EEF2K: variants seen among roughly 807,000 people sequenced by gnomAD.
EEF2K encodes alternative protein EEF2K.
A neutral mutation model predicts 93.8 loss-of-function variants in EEF2K; 70 were observed. That is an observed-to-expected ratio of 0.75 (90% CI 0.62 to 0.91). EEF2K has a LOEUF of 0.91. EEF2K is among the 40% of genes least tolerant of loss of function. The pLI, the probability that EEF2K is intolerant of heterozygous loss-of-function variation, is 0.00. For missense variants in EEF2K, 935 were observed against 972.9 expected (o/e 0.96, Z 0.52); for synonymous variants, 376 against 380.8 (o/e 0.99, Z 0.15).
chr16:22,265,216 G>A (rs2141679344), intron 13 of EEF2K: 1 of 219,076 alleles, frequency 4.6e-6, no homozygotes, highest in East Asian at 1.0e-4. Flanking sequence ...ACAGGCTAAT[G>A]TGACTCTCAT....
intron 12 of EEF2K, 39 bp from the exon 13 acceptor site, chr16:22,264,779 T>C (rs1445381478): frequency 6.2e-7 from 1 of 1,611,372 alleles, no homozygotes; most frequent in Non-Finnish European, 8.5e-7. Flanking sequence ...GGGAAGAAGC[T>C]TGTCGCTTTG....
chr16:22,259,626 A>T (rs974249183), intron 10 of EEF2K, among the ~76,000 whole-genome samples: 3 of 152,170 alleles, frequency 2.0e-5, no homozygotes, highest in African/African-American at 4.8e-5. Context: ...GTGAAATTTA[A>T]TTTTTGTCAT....
At chr16:22,257,005 C>G (rs914837065) in intron 7 of EEF2K, 108 bp downstream of exon 7, 2 of 1,518,986 alleles carry the variant, frequency 1.3e-6, no homozygotes, top group Non-Finnish European at 1.8e-6. Flanking sequence ...GGAGTCTCAC[C>G]CCCAGAGAAG....
intron 16 of EEF2K, among the ~76,000 whole-genome samples, chr16:22,278,714 A>G (rs1428435280): frequency 6.6e-6 from 1 of 152,052 alleles, no homozygotes; most frequent in East Asian, 1.9e-4. Context: ...TTCCTGATAT[A>G]CTATAAATAG....
intron 2 of EEF2K, among the ~76,000 whole-genome samples, chr16:22,235,361 T>TC (rs397780914): frequency 3.3e-5 from 5 of 152,014 alleles, no homozygotes; most frequent in Non-Finnish European, 2.9e-5. Context: ...CCAGTTTTTT[T>TC]CGGCAAGCAA....
Position 22,247,056 on chromosome 16 carries a change from A to G in EEF2K, c.348-1699A>G, listed in dbSNP as rs2047300513. 2.0e-5 allele frequency among the ~76,000 whole-genome samples: 3 copies of G among 148,422 alleles called. No individual in the cohort carries two copies. The South Asian group carries it at 6.4e-4, about 31-fold the overall frequency. On this transcript the variant is annotated intron_variant, in intron 3 of 17. Transcript: ENST00000263026. Reference sequence around the variant, plus strand: ...CCATCTCAAAAAAAAAAAAAAAAAAAAAAAAAAAAAAGAAACTAGAATTGC... The same window carrying G: ...CCATCTCAAAAAAAAAAAAAAAAAAGAAAAAAAAAAAGAAACTAGAATTGC...
intron 2 of EEF2K, among the ~76,000 whole-genome samples, chr16:22,229,293 T>C (rs1430237225): frequency 2.0e-5 from 3 of 152,224 alleles, no homozygotes; most frequent in Non-Finnish European, 4.4e-5. Context: ...TGATCCTTCA[T>C]GTTGGTTATC....
intron 1 of EEF2K, among the ~76,000 whole-genome samples, chr16:22,209,054 A>G (rs2046891113): frequency 6.6e-6 from 1 of 152,172 alleles, no homozygotes; most frequent in Admixed American, 6.5e-5. Flanking sequence ...TTTGAGATGG[A>G]GTCTTGCTCT....
intron 2 of EEF2K, among the ~76,000 whole-genome samples, chr16:22,234,658 TCAC>T (rs1313370784): frequency 2.0e-5 from 3 of 152,182 alleles, no homozygotes; most frequent in Non-Finnish European, 2.9e-5. Context: ...TATGCATCCA[TCAC>T]CACAACCACT....
chr16:22,237,211 C>T (rs907699281), intron 2 of EEF2K, among the ~76,000 whole-genome samples: 1 of 151,184 alleles, frequency 6.6e-6, no homozygotes, highest in African/African-American at 2.4e-5. Context: ...TCCCAAAGTG[C>T]TAGGATTACA....
In EEF2K at chr16:22,254,108, G is replaced by A. The variant is rs117753672; in HGVS notation, c.619-2640G>A. On this transcript the variant is annotated intron_variant, in intron 6 of 17. Transcript: ENST00000263026. ...AGCAAGACTCCATCCCCAAATAGTA[G>A]TAGTAGTAGTAGTAGTAACAATAAT... Among the ~76,000 whole-genome samples the A allele has an allele frequency of 8.7e-4, 130 of 149,990 alleles. 1 individual carries two copies. In the East Asian group the frequency reaches 0.012, roughly 14 times the overall value.
At chr16:22,260,372 G>A in intron 10 of EEF2K, 90 bp from the exon 11 acceptor site, 1 of 1,255,000 alleles carries the variant, frequency 8.0e-7, no homozygotes, top group Non-Finnish European at 1.1e-6. Context: ...AAGGCTTGGT[G>A]GCAGGTATGG....
chr16:22,211,127 G>C (rs1454491095), intron 1 of EEF2K, among the ~76,000 whole-genome samples: 1 of 152,224 alleles, frequency 6.6e-6, no homozygotes, highest in East Asian at 1.9e-4. Flanking sequence ...CCAGCTCTCT[G>C]TGCCACCTGT....
At chr16:22,263,041 T>A in intron 11 of EEF2K, 69 bp from the exon 12 acceptor site, 1 of 1,431,544 alleles carries the variant, frequency 7.0e-7, no homozygotes, top group Non-Finnish European at 9.7e-7. Context: ...GTTGGGGTGT[T>A]GAGATGTCAT....
chr16:22,224,788 A>G (rs1273492359), intron 1 of EEF2K, among the ~76,000 whole-genome samples: 1 of 152,174 alleles, frequency 6.6e-6, no homozygotes, highest in African/African-American at 2.4e-5. Flanking sequence ...TGCCATCTCT[A>G]CTAAAAATGC....
intron 6 of EEF2K, among the ~76,000 whole-genome samples, chr16:22,253,992 G>A (rs1207913952): frequency 6.6e-6 from 1 of 152,136 alleles, no homozygotes; most frequent in African/African-American, 2.4e-5. Context: ...CCAGCTACTT[G>A]GGAGGCTGAG....
chr16:22,249,640 C>G (rs1244030961), intron 4 of EEF2K, among the ~76,000 whole-genome samples: 2 of 151,854 alleles, frequency 1.3e-5, no homozygotes, highest in African/African-American at 4.8e-5. Context: ...GGGTCTTGCT[C>G]TGCTGCCCAG....
Position 22,225,565 on chromosome 16 carries a change from C to A in EEF2K, c.-76-89C>A, listed in dbSNP as rs138789256. 1.6e-5 allele frequency: 17 copies of A among 1,078,598 alleles called. No homozygotes were observed. The African/African-American group carries it at 2.5e-4, about 16-fold the overall frequency. 66.8% of individuals were successfully genotyped at this position (1,078,598 alleles called of 1,614,324 possible). On this transcript the variant is annotated intron_variant, in intron 1 of 17. Coordinates refer to ENST00000263026, the MANE Select transcript of EEF2K (RefSeq NM_013302.5). ...TTTACCCCAAGGGTGCCAGCTCCTG[C>A]GATAGCCTGCAGCATTTGGGGTGAG...
At chr16:22,283,328 A>G (rs189396086) in intron 17 of EEF2K, among the ~76,000 whole-genome samples, 15,904 of 140,334 alleles carry the variant, frequency 0.11, 1,508 homozygotes, top group African/African-American at 0.27. Context: ...AAAAAAAAAA[A>G]AAGAAGAAGA....
Sources: allele counts gnomAD v4.1 joint callset (sites outside exome capture counted in the v4.1 genomes callset), GRCh38; gene constraint gnomAD v4.1.1; transcripts MANE v1.5; gene names NCBI Gene and HGNC (gene_info 2026-07-23, HGNC 2026-07-21).